Variants in ASXL2 observed in about 807,000 individuals in gnomAD.
ASXL2 encodes the protein ASXL transcriptional regulator 2.
A neutral mutation model predicts 122.0 loss-of-function variants in ASXL2; 23 were observed. The observed-to-expected ratio is 0.19, with a 90% CI of 0.14 to 0.27. The LOEUF is 0.27. Ranked by LOEUF, ASXL2 falls within the 10% of genes least tolerant of loss-of-function variation. The pLI, the probability that ASXL2 is intolerant of heterozygous loss-of-function variation, is 1.00. For synonymous variants in ASXL2, 650 were observed against 637.0 expected, an observed-to-expected ratio of 1.02 and a Z score of -0.31; for missense variants, 1,518 against 1,713.8, an observed-to-expected ratio of 0.89 and a Z score of 2.02.
rs2088204038 is a variant in ASXL2 at position 25,759,570 on chromosome 2, C to T, written c.851G>A (p.Arg284Gln). Residue 284 changes from arginine to glutamine, a missense_variant, in exon 9 of 13, where the codon CGA becomes CAA. Arg to Gln is a conservative substitution (Grantham distance 43, BLOSUM62 1). Around this residue, in one of 8 missense-constraint regions of ASXL2, gnomAD observed 92 missense variants for 156.6 expected, o/e 0.59. Transcript: ENST00000435504. Reference sequence around the variant, plus strand: ...AAATGTGTGCTTGTTGATCAGTGCTCGCAGATTTGTATTAACCAGAATGGA... The same window carrying T: ...AAATGTGTGCTTGTTGATCAGTGCTTGCAGATTTGTATTAACCAGAATGGA... ...PDSILVNTNLRALINKHTFSV... is the reference protein window; with the variant it reads ...PDSILVNTNLQALINKHTFSV... 6 of 1,613,810 alleles carry T rather than the reference C, an allele frequency of 3.7e-6. No homozygotes were observed. The highest frequency in any genetic ancestry group is 1.1e-5 in the South Asian group (1 of 91,086).
At chr2:25,835,044 G>A (rs756366191) in intron 3 of ASXL2, among the ~76,000 whole-genome samples, 19 of 152,058 alleles carry the variant, frequency 1.2e-4, no homozygotes, top group African/African-American at 3.4e-4. Flanking sequence ...GGCTAGTCTC[G>A]AACTCCTGAC....
At chr2:25,844,957 GTTC>G (rs2089632958) in intron 2 of ASXL2, among the ~76,000 whole-genome samples, 1 of 152,026 alleles carries the variant, frequency 6.6e-6, no homozygotes, top group Non-Finnish European at 1.5e-5. Context: ...ATATAATAAG[GTTC>G]TTAGAAATTA....
chr2:25,827,779 G>A (rs996201569), intron 3 of ASXL2, among the ~76,000 whole-genome samples: 5 of 152,080 alleles, frequency 3.3e-5, no homozygotes, highest in African/African-American at 1.2e-4. Context: ...TCTAGTTGTG[G>A]CCCCAAAATG....
At position 25,750,258 on chromosome 2, in the gene ASXL2, T is replaced by A; in HGVS notation, c.1298A>T (p.Glu433Val). The A allele has an allele frequency of 1.2e-6, 2 of 1,614,030 alleles. No homozygotes were observed. Among genetic ancestry groups the A allele is most frequent in the Non-Finnish European group, 1.7e-6 (2 of 1,179,900 alleles). Residue 433 changes from glutamate to valine, a missense_variant, in exon 12 of 13, where the codon GAA becomes GTA. Glu to Val is a moderately radical substitution (Grantham distance 121, BLOSUM62 -2). Around this residue, in one of 8 missense-constraint regions of ASXL2, gnomAD observed 292 missense variants for 293.5 expected, o/e 1.00. Coordinates refer to ENST00000435504, the MANE Select transcript of ASXL2 (RefSeq NM_018263.6). ...VPVVSQSECK[E>V]EALQMSSPGR... ...TGGTGATGACATTTGCAATGCTTCT[T>A]CTTTACACTCTGACTGGGAGACTAC...
At chr2:25,774,642 G>T (rs115586626) in intron 5 of ASXL2, among the ~76,000 whole-genome samples, 1 of 152,074 alleles carries the variant, frequency 6.6e-6, no homozygotes, top group Admixed American at 6.5e-5. Context: ...TTTCATCTGG[G>T]AATATTAGGA....
intron 3 of ASXL2, among the ~76,000 whole-genome samples, chr2:25,824,853 T>G (rs2089357664): frequency 6.6e-6 from 1 of 152,228 alleles, no homozygotes; most frequent in Admixed American, 6.5e-5. Flanking sequence ...ATTCTTTCTT[T>G]CATTCTTAGT....
At chr2:25,764,100 T>C (rs1047184510) in intron 8 of ASXL2, among the ~76,000 whole-genome samples, 3 of 152,170 alleles carry the variant, frequency 2.0e-5, no homozygotes, top group African/African-American at 7.2e-5. Context: ...TGTCTATAAA[T>C]TCAAATAGTA....
chr2:25,781,556 CTT>C (rs75386706), intron 5 of ASXL2, among the ~76,000 whole-genome samples: 35 of 128,608 alleles, frequency 2.7e-4, no homozygotes, highest in East Asian at 4.6e-4. Context: ...ATCTCAAATT[CTT>C]TTTTTTTTTT....
intron 5 of ASXL2, among the ~76,000 whole-genome samples, chr2:25,781,733 T>C (rs1369843475): frequency 1.4e-5 from 2 of 148,130 alleles, no homozygotes; most frequent in Non-Finnish European, 3.0e-5. Context: ...GCAGTGGCAC[T>C]ATCTCGGCTC....
chr2:25,828,595 G>A (rs2089407897), intron 3 of ASXL2, among the ~76,000 whole-genome samples: 1 of 151,278 alleles, frequency 6.6e-6, no homozygotes, highest in East Asian at 1.9e-4. Flanking sequence ...GGAGACCAAG[G>A]TGGGCAGATC....
chr2:25,841,237 A>G (rs1176675753), intron 2 of ASXL2, among the ~76,000 whole-genome samples: 5 of 152,218 alleles, frequency 3.3e-5, no homozygotes, highest in Admixed American at 2.6e-4. Flanking sequence ...ACAAGGCTGC[A>G]TTAAGCTGAG....
Position 25,744,550 on chromosome 2 carries a change from C to T in ASXL2, c.1861-74G>A. 1 of 1,470,936 alleles carries T rather than the reference C, an allele frequency of 6.8e-7. No individual in the cohort carries two copies. The highest frequency in any genetic ancestry group is 9.0e-7 in the Non-Finnish European group (1 of 1,105,492). The allele number at this position is 1,470,936 out of a possible 1,614,324, so 91.1% of individuals were successfully genotyped here. A position where few individuals can be genotyped will look rare whatever the true frequency, so the allele number is the denominator to read the frequency against. On this transcript the variant is annotated intron_variant, in intron 12 of 12. Coordinates refer to ENST00000435504, the MANE Select transcript of ASXL2 (RefSeq NM_018263.6). This position sits in a 1 kb window ranked among gnomAD's most constrained non-coding sequence, Gnocchi z 4.7. ...TAAGAATAACAAAACTTCATTAGCC[C>T]TCACATTTTAAAAACAGATGAACAC...
At position 25,813,655 on chromosome 2, in the gene ASXL2, A is replaced by ACT. The variant is rs149752486; in HGVS notation, c.144-7319_144-7318insAG. ...AGTCTAGTCTGGCTTAGCACTTAGA[A>ACT]GAGTAACAACAACAAATAACAACAA... On this transcript the variant is annotated intron_variant, in intron 3 of 12. Coordinates refer to ENST00000435504, the MANE Select transcript of ASXL2 (RefSeq NM_018263.6). 1.3e-3 allele frequency among the ~76,000 whole-genome samples: 204 copies of ACT among 152,390 alleles called. 1 individual carries two copies. Among genetic ancestry groups the ACT allele is most frequent in the African/African-American group, 4.9e-3 (202 of 41,590 alleles).
intron 1 of ASXL2, among the ~76,000 whole-genome samples, chr2:25,849,340 A>G (rs919184098): frequency 7.5e-4 from 112 of 149,004 alleles, no homozygotes; most frequent in African/African-American, 2.2e-3. Flanking sequence ...CCAGTTACTC[A>G]GGAGGCTGGT....
At chr2:25,749,446 AGGGGTGGT>A (rs1467540826) in intron 12 of ASXL2, among the ~76,000 whole-genome samples, 1 of 152,240 alleles carries the variant, frequency 6.6e-6, no homozygotes, top group Non-Finnish European at 1.5e-5. Flanking sequence ...TAGTGAGCAC[AGGGGTGGT>A]TTACATTAGA....
At chr2:25,836,002 TTTTC>T (rs1156393890) in intron 2 of ASXL2, among the ~76,000 whole-genome samples, 2 of 152,214 alleles carry the variant, frequency 1.3e-5, no homozygotes, top group African/African-American at 4.8e-5. Context: ...AAGAATACTC[TTTTC>T]TGTCAATATC....
In ASXL2 at chr2:25,878,071, G is replaced by A. The variant is rs536001323; in HGVS notation, c.57+95C>T. The A allele has an allele frequency of 6.6e-6, 10 of 1,509,022 alleles. No individual in the cohort carries two copies. The Admixed American group carries it at 8.4e-5, about 13-fold the overall frequency. 93.5% of individuals were successfully genotyped at this position (1,509,022 alleles called of 1,614,324 possible). A position where few individuals can be genotyped will look rare whatever the true frequency, so the allele number is the denominator to read the frequency against. On this transcript the variant is annotated intron_variant, in intron 1 of 12. Coordinates refer to ENST00000435504, the MANE Select transcript of ASXL2 (RefSeq NM_018263.6). ...CGCGCGGTTTTGTGCCCCTTCAGCC[G>A]GGTCCCTGGGCCAGTGACCTCCCTT...
intron 2 of ASXL2, among the ~76,000 whole-genome samples, chr2:25,844,503 G>T (rs1245776036): frequency 6.6e-6 from 1 of 151,768 alleles, no homozygotes; most frequent in African/African-American, 2.4e-5. Flanking sequence ...CTTGAACCCG[G>T]GAGGCAGAGT....
chr2:25,874,021 T>A (rs975349761), intron 1 of ASXL2, among the ~76,000 whole-genome samples: 1 of 152,224 alleles, frequency 6.6e-6, no homozygotes, highest in African/African-American at 2.4e-5. Context: ...ATTCATCTTT[T>A]TAATGAGCCT....
Sources: gnomAD v4.1 joint callset for allele counts (sites outside exome capture counted in the v4.1 genomes callset) on GRCh38, gnomAD v4.1.1 for gene constraint, gnomAD v4.1.1 regional missense constraint, Gnocchi (gnomAD v3.1) non-coding constraint, MANE v1.5 for transcripts, NCBI Gene and HGNC (gene_info 2026-07-23, HGNC 2026-07-21) for gene names.